The following FBXO16 variants were observed in gnomAD, a reference collection of about 807,000 sequenced individuals.
FBXO16 encodes the protein F-box protein 16.
In FBXO16, 31 loss-of-function variants were observed where a neutral mutation model predicts 41.0. The observed-to-expected ratio is 0.76, with a 90% CI of 0.57 to 1.02. The LOEUF (loss-of-function observed/expected upper bound fraction) is 1.02. Ranked by LOEUF, FBXO16 falls within the 50% of genes least tolerant of loss-of-function variation. FBXO16 has a pLI of 0.00. For synonymous variants in FBXO16, 133 were observed against 117.8 expected, an observed-to-expected ratio of 1.13 and a Z score of -0.84; for missense variants, 361 against 346.2, an observed-to-expected ratio of 1.04 and a Z score of -0.34.
At chr8:28,479,782 A>G (rs1433360642) in intron 2 of FBXO16, among the ~76,000 whole-genome samples, 1 of 151,964 alleles carries the variant, frequency 6.6e-6, no homozygotes, top group Non-Finnish European at 1.5e-5. Context: ...GTGCAGTGGT[A>G]CAATCGTGGC....
At chr8:28,488,470 T>C (rs1465271776) in intron 1 of FBXO16, among the ~76,000 whole-genome samples, 1 of 151,452 alleles carries the variant, frequency 6.6e-6, no homozygotes, top group Admixed American at 6.6e-5. Context: ...TAATTTTTTT[T>C]TTTTTGTATT....
chr8:28,430,480 G>C (rs1802589874), intron 7 of FBXO16, among the ~76,000 whole-genome samples: 1 of 151,670 alleles, frequency 6.6e-6, no homozygotes, highest in African/African-American at 2.4e-5. Flanking sequence ...TGGGGTTAAA[G>C]TAGCAAGTTG....
At chr8:28,444,396 G>C (rs1802828303) in intron 7 of FBXO16, among the ~76,000 whole-genome samples, 8 of 150,622 alleles carry the variant, frequency 5.3e-5, no homozygotes, top group Admixed American at 5.3e-4. Context: ...TCCGCCTCCA[G>C]GGTTCAAGCA....
chr8:28,457,401 T>G (rs1803055894), intron 4 of FBXO16, among the ~76,000 whole-genome samples: 1 of 152,156 alleles, frequency 6.6e-6, no homozygotes, highest in Non-Finnish European at 1.5e-5. Flanking sequence ...CATTTTCACG[T>G]TGCTGATAAA....
chr8:28,431,155 T>C (rs1802599743), intron 7 of FBXO16, among the ~76,000 whole-genome samples: 1 of 152,146 alleles, frequency 6.6e-6, no homozygotes, highest in South Asian at 2.1e-4. Context: ...CCCCGGGCAG[T>C]TCACAGGTCC....
chr8:28,487,670 C>G (rs1168773367), intron 1 of FBXO16, among the ~76,000 whole-genome samples: 1 of 152,004 alleles, frequency 6.6e-6, no homozygotes, highest in East Asian at 1.9e-4. Context: ...GCTGGGATTA[C>G]AGGTGTGAGC....
chr8:28,430,751 C>A (rs1344377292), intron 7 of FBXO16, among the ~76,000 whole-genome samples: 1 of 152,142 alleles, frequency 6.6e-6, no homozygotes, highest in Non-Finnish European at 1.5e-5. Context: ...GCGGGCGGAT[C>A]ACCTGAGATC....
intron 7 of FBXO16, among the ~76,000 whole-genome samples, chr8:28,430,694 A>G (rs1010931625): frequency 2.0e-5 from 3 of 152,176 alleles, no homozygotes; most frequent in African/African-American, 7.2e-5. Flanking sequence ...TTGAATGGCC[A>G]GGCGCAGTGG....
chr8:28,443,014 T>C (rs901043342), intron 7 of FBXO16, among the ~76,000 whole-genome samples: 8 of 147,382 alleles, frequency 5.4e-5, no homozygotes, highest in Non-Finnish European at 1.2e-4. Context: ...CTAAGGAATA[T>C]TACTTGTACT....
At chr8:28,462,277 CTTT>C (rs377494554) in intron 4 of FBXO16, among the ~76,000 whole-genome samples, 66 of 133,536 alleles carry the variant, frequency 4.9e-4, no homozygotes, top group Middle Eastern at 4.0e-3. Flanking sequence ...TCTTCTTCTT[CTTT>C]TTTTTTTTTT....
intron 1 of FBXO16, among the ~76,000 whole-genome samples, chr8:28,485,260 C>T (rs1012776302): frequency 3.3e-5 from 5 of 152,162 alleles, no homozygotes; most frequent in Admixed American, 1.3e-4. Flanking sequence ...GCAACCTGCA[C>T]CTCCCAGGTT....
chr8:28,430,651 T>C (rs774032645), intron 7 of FBXO16, among the ~76,000 whole-genome samples: 2 of 152,206 alleles, frequency 1.3e-5, no homozygotes, highest in Non-Finnish European at 2.9e-5. Flanking sequence ...CTCTATGCTC[T>C]TTTAGTAACA....
intron 2 of FBXO16, among the ~76,000 whole-genome samples, chr8:28,475,552 T>C (rs1803410109): frequency 1.3e-5 from 2 of 152,218 alleles, no homozygotes; most frequent in South Asian, 4.1e-4. Flanking sequence ...TTCTTCTCTA[T>C]CAATCATGCA....
At chr8:28,434,764 C>A (rs1397654613) in intron 7 of FBXO16, among the ~76,000 whole-genome samples, 2 of 152,186 alleles carry the variant, frequency 1.3e-5, no homozygotes, top group Non-Finnish European at 2.9e-5. Context: ...CAGCCCCTTG[C>A]GGGAGGGAGC....
intron 1 of FBXO16, among the ~76,000 whole-genome samples, chr8:28,486,229 TTC>T (rs1803599700): frequency 9.4e-6 from 1 of 106,916 alleles, no homozygotes; most frequent in East Asian, 3.4e-4. Flanking sequence ...CTTCTTCTTC[TTC>T]TTTTTTTTTT....
intron 4 of FBXO16, among the ~76,000 whole-genome samples, chr8:28,460,181 T>G (rs67727065): frequency 0.23 from 33,050 of 144,120 alleles, 4,541 homozygotes; most frequent in East Asian, 0.5. Flanking sequence ...TGGTATATAA[T>G]TCCAGAATAT....
chr8:28,460,677 G>A (rs1345077344), intron 4 of FBXO16, among the ~76,000 whole-genome samples: 1 of 151,790 alleles, frequency 6.6e-6, no homozygotes, highest in Non-Finnish European at 1.5e-5. Flanking sequence ...TGCCCACCTT[G>A]GCCTCTTAAA....
chr8:28,488,462 AT>A (rs144491663), intron 1 of FBXO16, among the ~76,000 whole-genome samples: 44,451 of 145,940 alleles, frequency 0.3, 6,932 homozygotes, highest in Middle Eastern at 0.39. Flanking sequence ...CACCTGGCTA[AT>A]TTTTTTTTTT....
At chr8:28,462,280 T>C (rs186448362) in intron 4 of FBXO16, among the ~76,000 whole-genome samples, 7,479 of 139,522 alleles carry the variant, frequency 0.054, 172 homozygotes, top group African/African-American at 0.073. Flanking sequence ...TCTTCTTCTT[T>C]TTTTTTTTTT....
Sources: allele counts gnomAD v4.1 joint callset (sites outside exome capture counted in the v4.1 genomes callset), GRCh38; gene constraint gnomAD v4.1.1; transcripts MANE v1.5; gene names NCBI Gene and HGNC (gene_info 2026-07-23, HGNC 2026-07-21).